The following GRID2 variants were observed in gnomAD, a reference collection of about 807,000 sequenced individuals.
GRID2 encodes glutamate ionotropic receptor delta type subunit 2.
GRID2 carries 33 observed loss-of-function variants against 114.8 expected under a neutral mutation model. That is an observed-to-expected ratio of 0.29 (90% confidence interval 0.22 to 0.38). The LOEUF is 0.38. GRID2 is among the 10% of genes least tolerant of loss of function. GRID2 has a pLI of 1.00. For missense variants in GRID2, 1,184 were observed against 1,257.7 expected (o/e 0.94, Z 0.89); for synonymous variants, 505 against 449.9 (o/e 1.12, Z -1.55).
At chr4:93,154,826 C>T (rs990073110) in intron 4 of GRID2, among the ~76,000 whole-genome samples, 30 of 151,856 alleles carry the variant, frequency 2.0e-4, no homozygotes, top group Non-Finnish European at 4.3e-4. Flanking sequence ...TACTGCAATT[C>T]TGCCTACTCG....
At chr4:93,507,848 A>G (rs983781261) in intron 12 of GRID2, among the ~76,000 whole-genome samples, 1 of 152,160 alleles carries the variant, frequency 6.6e-6, no homozygotes, top group Non-Finnish European at 1.5e-5. Context: ...TATTTATTTT[A>G]CATATGTGGC....
intron 14 of GRID2, among the ~76,000 whole-genome samples, chr4:93,762,650 A>T (rs2110315297): frequency 6.6e-6 from 1 of 152,244 alleles, no homozygotes; most frequent in Non-Finnish European, 1.5e-5. Flanking sequence ...AGGGTAGAAG[A>T]CCTAATGCTT....
intron 13 of GRID2, among the ~76,000 whole-genome samples, chr4:93,605,031 T>A (rs1740077524): frequency 6.6e-6 from 1 of 152,138 alleles, no homozygotes; most frequent in Admixed American, 6.5e-5. Flanking sequence ...TAATTGGGAA[T>A]AGTAATGTAT....
chr4:92,739,032 A>G (rs973992841), intron 2 of GRID2, among the ~76,000 whole-genome samples: 13 of 152,194 alleles, frequency 8.5e-5, no homozygotes, highest in Non-Finnish European at 1.9e-4. Context: ...GAAGAAAAAC[A>G]GGAAAACAGA....
chr4:93,620,630 G>A (rs1273254968), intron 13 of GRID2, among the ~76,000 whole-genome samples: 1 of 152,174 alleles, frequency 6.6e-6, no homozygotes, highest in Non-Finnish European at 1.5e-5. Context: ...GAACATAGGT[G>A]CAGGTTTTGA....
intron 1 of GRID2, among the ~76,000 whole-genome samples, chr4:92,454,948 A>C (rs537728982): frequency 1.3e-5 from 2 of 152,322 alleles, no homozygotes; most frequent in African/African-American, 4.8e-5. Context: ...AGTATTTAAA[A>C]AAAATTATTT....
intron 2 of GRID2, among the ~76,000 whole-genome samples, chr4:92,955,826 T>C (rs1752365255): frequency 6.6e-6 from 1 of 152,184 alleles, no homozygotes. Context: ...GTTTCAGCTT[T>C]CTACATATGG....
At chr4:93,758,606 T>C (rs1471371974) in intron 14 of GRID2, among the ~76,000 whole-genome samples, 1 of 152,216 alleles carries the variant, frequency 6.6e-6, no homozygotes, top group African/African-American at 2.4e-5. Flanking sequence ...CCTAAGAGTA[T>C]GTCAAAGCTG....
chr4:93,044,806 G>C (rs1327837545), intron 2 of GRID2, among the ~76,000 whole-genome samples: 3 of 152,132 alleles, frequency 2.0e-5, no homozygotes, highest in Non-Finnish European at 2.9e-5. Flanking sequence ...CAGGACATTT[G>C]TGATCATGGC....
At chr4:92,874,307 T>A (rs944452708) in intron 2 of GRID2, among the ~76,000 whole-genome samples, 2 of 152,200 alleles carry the variant, frequency 1.3e-5, no homozygotes, top group African/African-American at 4.8e-5. Context: ...GGACTGAGTA[T>A]TTTGCATAAG....
At chr4:92,764,122 C>G (rs1738148784) in intron 2 of GRID2, among the ~76,000 whole-genome samples, 1 of 152,156 alleles carries the variant, frequency 6.6e-6, no homozygotes, top group Non-Finnish European at 1.5e-5. Flanking sequence ...CATCCATAAT[C>G]TAACCTTTTC....
chr4:92,310,970 G>T (rs1725675326), intron 1 of GRID2, among the ~76,000 whole-genome samples: 2 of 152,178 alleles, frequency 1.3e-5, no homozygotes, highest in Non-Finnish European at 2.9e-5. Context: ...TTGCAAACAA[G>T]AATTATGTAC....
intron 2 of GRID2, among the ~76,000 whole-genome samples, chr4:92,918,901 G>T (rs753892891): frequency 7.2e-5 from 11 of 152,216 alleles, no homozygotes; most frequent in Non-Finnish European, 1.5e-4. Context: ...TTTTTCTATT[G>T]ATTGTAATAC....
At chr4:93,464,950 C>A (rs1234388386) in intron 11 of GRID2, among the ~76,000 whole-genome samples, 1 of 152,192 alleles carries the variant, frequency 6.6e-6, no homozygotes, top group Non-Finnish European at 1.5e-5. Context: ...AAAAGTATAT[C>A]TTCTGCCTTT....
At chr4:92,336,019 G>C (rs1348862558) in intron 1 of GRID2, among the ~76,000 whole-genome samples, 1 of 152,108 alleles carries the variant, frequency 6.6e-6, no homozygotes, top group Non-Finnish European at 1.5e-5. Context: ...ATTATTTAGG[G>C]ATAAGAATGG....
chr4:93,783,608 C>A (rs1734525396), intron 1 of GRID2, among the ~76,000 whole-genome samples: 1 of 152,156 alleles, frequency 6.6e-6, no homozygotes, highest in Non-Finnish European at 1.5e-5. Context: ...AAAACACAAA[C>A]AGATTCAGAG....
At chr4:92,321,462 G>C (rs1726313433) in intron 1 of GRID2, among the ~76,000 whole-genome samples, 1 of 152,186 alleles carries the variant, frequency 6.6e-6, no homozygotes, top group Non-Finnish European at 1.5e-5. Context: ...TTTGTTTAGA[G>C]TCTAGCTTTT....
chr4:93,019,467 A>G (rs1336559237), intron 2 of GRID2, among the ~76,000 whole-genome samples: 1 of 152,194 alleles, frequency 6.6e-6, no homozygotes, highest in South Asian at 2.1e-4. Context: ...GATCAGTTCT[A>G]TGACCTTGGC....
chr4:92,935,751 T>G (rs1750621839), intron 2 of GRID2, among the ~76,000 whole-genome samples: 1 of 146,318 alleles, frequency 6.8e-6, no homozygotes, highest in South Asian at 2.3e-4. Flanking sequence ...TGGATGAAAT[T>G]GGAAATTATC....
Sources: allele counts gnomAD v4.1 joint callset (sites outside exome capture counted in the v4.1 genomes callset), GRCh38; gene constraint gnomAD v4.1.1; transcripts MANE v1.5; gene names NCBI Gene and HGNC (gene_info 2026-07-23, HGNC 2026-07-21).